The following COBL variants were observed in gnomAD, a reference collection of about 807,000 sequenced individuals.
COBL encodes cordon-bleu WH2 repeat protein, also known as protein cordon-bleu.
In COBL, 51 loss-of-function variants were observed where a neutral mutation model predicts 98.8. That is an observed-to-expected ratio of 0.52 (90% CI 0.41 to 0.65). COBL has a LOEUF of 0.65. COBL is among the 30% of genes least tolerant of loss of function. The pLI, the probability that COBL is intolerant of heterozygous loss-of-function variation, is 0.00. For missense variants in COBL, 1,617 were observed against 1,617.5 expected, an observed-to-expected ratio of 1.00 and a Z score of 0.01; for synonymous variants, 634 against 651.7, an observed-to-expected ratio of 0.97 and a Z score of 0.41.
chr7:51,175,147 G>C (rs1162406202), intron 5 of COBL, among the ~76,000 whole-genome samples: 1 of 152,242 alleles, frequency 6.6e-6, no homozygotes, highest in Non-Finnish European at 1.5e-5. Context: ...TCAGGCATCA[G>C]TGATTAAAGA....
chr7:51,193,691 A>ACTTGTTCATTTGTTG, intron 2 of COBL, 102 bp from the exon 3 acceptor site: 1 of 971,888 alleles, frequency 1.0e-6, no homozygotes, highest in Non-Finnish European at 1.6e-6. Context: ...ATGAATGAGC[A>ACTTGTTCATTTGTTG]AATTAGATAT....
chr7:51,043,805 C>T lies in COBL; in HGVS notation c.1097-113G>A, dbSNP rs1223882624. 4 of 842,154 alleles carry T rather than the reference C, an allele frequency of 4.7e-6. No homozygotes were observed. In the East Asian group the frequency reaches 1.0e-4, roughly 22 times the overall value. 52.2% of individuals were successfully genotyped at this position (842,154 alleles called of 1,614,324 possible). Reference sequence around the variant, plus strand: ...GCTCTAAAATTTGGGATTCAGGGTGCTCAAAGTAAAGGAAGAACCTCATTC... The same window carrying T: ...GCTCTAAAATTTGGGATTCAGGGTGTTCAAAGTAAAGGAAGAACCTCATTC... On this transcript the variant is annotated intron_variant, in intron 7 of 12. Transcript: ENST00000265136.
At chr7:51,170,916 G>A (rs1787812600) in intron 5 of COBL, among the ~76,000 whole-genome samples, 1 of 152,078 alleles carries the variant, frequency 6.6e-6, no homozygotes, top group African/African-American at 2.4e-5. Context: ...GGTTCTGAAT[G>A]TTCTTACCAC....
At chr7:51,118,631 G>A (rs1021972333) in intron 6 of COBL, among the ~76,000 whole-genome samples, 8 of 151,860 alleles carry the variant, frequency 5.3e-5, no homozygotes, top group Non-Finnish European at 1.2e-4. Context: ...GGGGGGGAGA[G>A]GGGGAGGGGT....
chr7:51,037,545 A>G (rs1788763878), intron 8 of COBL, among the ~76,000 whole-genome samples: 2 of 152,344 alleles, frequency 1.3e-5, no homozygotes, highest in African/African-American at 2.4e-5. Context: ...AGTCCAGGGC[A>G]GAGCTGTGTG....
In COBL at chr7:51,216,672, T is replaced by TA. The variant is rs1013969001; in HGVS notation, c.245+3068dup. On this transcript the variant is annotated intron_variant, in intron 2 of 12. Transcript: ENST00000265136. ...TTATGTTTCTTAATTCAAGGGAAGC[T>TA]AAAAAAAAAAAATTCACTGATTTTC... is the stretch of plus-strand genomic sequence containing the variant. 3.1e-3 allele frequency among the ~76,000 whole-genome samples: 455 copies of TA among 146,150 alleles called. 1 individual carries two copies. The highest frequency in any genetic ancestry group is 4.9e-3 in the African/African-American group (196 of 40,066).
At chr7:51,184,310 G>A (rs1442235027) in intron 4 of COBL, 111 bp from the exon 5 acceptor site, 12 of 602,258 alleles carry the variant, frequency 2.0e-5, no homozygotes, top group Admixed American at 1.1e-4. Context: ...TTTAGTTCTT[G>A]TAAGAGAGGG....
At chr7:51,123,472 G>A (rs1037878329) in intron 6 of COBL, among the ~76,000 whole-genome samples, 1 of 152,148 alleles carries the variant, frequency 6.6e-6, no homozygotes, top group Non-Finnish European at 1.5e-5. Context: ...ATGTGTGGAG[G>A]TGAACCAATT....
At chr7:51,062,823 C>T (rs907894967) in intron 7 of COBL, among the ~76,000 whole-genome samples, 4 of 152,242 alleles carry the variant, frequency 2.6e-5, no homozygotes, top group Non-Finnish European at 2.9e-5. Context: ...CTGCTGGTCC[C>T]GGCTCAGCTG....
Position 51,308,003 on chromosome 7 carries a change from C to A in COBL, c.41+8590G>T, listed in dbSNP as rs565379478. Among the ~76,000 whole-genome samples the A allele has an allele frequency of 3.3e-5, 5 of 152,332 alleles. 1 individual carries two copies. Among genetic ancestry groups the A allele is most frequent in the Admixed American group, 2.6e-4 (4 of 15,296 alleles). ...GCAGGAGCAGGAGGAAGGAAGTTTT[C>A]AGTTCCACCCAAAACCAATTCTACC... On this transcript the variant is annotated intron_variant, in intron 1 of 12. Transcript: ENST00000265136.
chr7:51,243,847 G>A (rs1022847271), intron 1 of COBL, among the ~76,000 whole-genome samples: 3 of 152,122 alleles, frequency 2.0e-5, no homozygotes, highest in Non-Finnish European at 4.4e-5. Flanking sequence ...GTGTGAGGAC[G>A]TGCACGTGGC....
chr7:51,232,940 GT>G (rs1424307377), intron 1 of COBL, among the ~76,000 whole-genome samples: 4 of 152,194 alleles, frequency 2.6e-5, no homozygotes, highest in African/African-American at 9.7e-5. Context: ...GAGACGCTGT[GT>G]GTTAGTTTAA....
chr7:51,086,772 T>C lies in COBL; in HGVS notation c.958-1468A>G, dbSNP rs555532859. ...TTATTAATACTCAAACTACTAACAA[T>C]TGGCATGTTTTTCTAGACTATTTTT... On this transcript the variant is annotated intron_variant, in intron 6 of 12. Coordinates refer to ENST00000265136, the MANE Select transcript of COBL (RefSeq NM_015198.5). 1.3e-3 allele frequency among the ~76,000 whole-genome samples: 203 copies of C among 152,308 alleles called. 1 individual carries two copies. Among genetic ancestry groups the C allele is most frequent in the African/African-American group, 4.7e-3 (195 of 41,572 alleles).
chr7:51,097,433 T>C (rs10899772), intron 6 of COBL, among the ~76,000 whole-genome samples: 97,239 of 152,052 alleles, frequency 0.64, 31,743 homozygotes, highest in African/African-American at 0.78. Flanking sequence ...GAAAATAGTG[T>C]TGGGAGTCCT....
intron 1 of COBL, among the ~76,000 whole-genome samples, chr7:51,229,169 T>G (rs1415598977): frequency 6.6e-6 from 1 of 151,926 alleles, no homozygotes; most frequent in African/African-American, 2.4e-5. Context: ...GGACGAGGAG[T>G]GCAGAGTGAA....
intron 5 of COBL, among the ~76,000 whole-genome samples, chr7:51,154,060 T>C (rs139121617): frequency 3.0e-4 from 46 of 152,140 alleles, no homozygotes; most frequent in Non-Finnish European, 5.7e-4. Flanking sequence ...GCCTCCAACC[T>C]TGGCAGATGC....
intron 5 of COBL, among the ~76,000 whole-genome samples, chr7:51,154,097 C>T (rs190881322): frequency 6.6e-6 from 1 of 152,150 alleles, no homozygotes; most frequent in Non-Finnish European, 1.5e-5. Flanking sequence ...TGAGAGTCAC[C>T]AACAGCCTCT....
At chr7:51,306,451 C>T (rs1325718931) in intron 1 of COBL, among the ~76,000 whole-genome samples, 1 of 152,114 alleles carries the variant, frequency 6.6e-6, no homozygotes, top group Non-Finnish European at 1.5e-5. Flanking sequence ...GAAGGAAGCT[C>T]GTTTATTGAA....
intron 1 of COBL, among the ~76,000 whole-genome samples, chr7:51,299,588 G>A (rs1801732037): frequency 6.6e-6 from 1 of 152,156 alleles, no homozygotes; most frequent in Non-Finnish European, 1.5e-5. Context: ...CTGGGCCCAG[G>A]AAGAGGCTGG....
Sources: gnomAD v4.1 joint callset for allele counts (sites outside exome capture counted in the v4.1 genomes callset) on GRCh38, gnomAD v4.1.1 for gene constraint, MANE v1.5 for transcripts, NCBI Gene and HGNC (gene_info 2026-07-23, HGNC 2026-07-21) for gene names.